The following CLTA variants were observed in gnomAD, a reference collection of about 807,000 sequenced individuals.
The protein encoded by CLTA is clathrin light chain A, also known as clathrin, light polypeptide (Lca).
Under a neutral mutation model 26.9 loss-of-function variants are expected in CLTA, and 9 were observed. That is an observed-to-expected ratio of 0.33 (90% confidence interval 0.20 to 0.58). The LOEUF (loss-of-function observed/expected upper bound fraction) is 0.58, where lower values mean the gene tolerates loss of function less well. Ranked by LOEUF, CLTA falls within the 20% of genes least tolerant of loss-of-function variation. The pLI is 0.85. For synonymous variants in CLTA, 120 were observed against 115.5 expected (o/e 1.04, Z -0.25); for missense variants, 278 against 294.2 (o/e 0.94, Z 0.40).
At chr9:36,190,896 C>G, upstream of CLTA, 1 of 1,295,432 alleles carries the variant, frequency 7.7e-7, no homozygotes, top group Non-Finnish European at 1.0e-6. Context: ...ACCGCCTAGA[C>G]CGACCGGATA....
intron 1 of CLTA, among the ~76,000 whole-genome samples, chr9:36,193,136 G>A (rs906568688): frequency 1.3e-5 from 2 of 152,212 alleles, no homozygotes; most frequent in Admixed American, 6.5e-5. Context: ...CAAAGGGAAG[G>A]AAAGAAATGG....
At chr9:36,199,245 C>T in intron 3 of CLTA, 149 bp downstream of exon 3, 2 of 674,664 alleles carry the variant, frequency 3.0e-6, no homozygotes, top group Admixed American at 2.0e-5. Context: ...ACAAGGCTAC[C>T]TGCACAGAGA....
intron 2 of CLTA, among the ~76,000 whole-genome samples, chr9:36,197,997 C>CTTTTT (rs11308341): frequency 2.5e-4 from 26 of 104,230 alleles, no homozygotes; most frequent in East Asian, 5.4e-4. Context: ...TTATTTGAGT[C>CTTTTT]TTTTTTTTTT....
At chr9:36,194,359 A>C (rs567941831) in intron 1 of CLTA, among the ~76,000 whole-genome samples, 2 of 152,198 alleles carry the variant, frequency 1.3e-5, no homozygotes, top group Admixed American at 1.3e-4. Context: ...AGAAAGAGAC[A>C]TGGGTGAATT....
intron 1 of CLTA, among the ~76,000 whole-genome samples, chr9:36,195,909 A>C (rs2132865579): frequency 6.6e-6 from 1 of 152,240 alleles, no homozygotes; most frequent in Admixed American, 6.5e-5. Context: ...CGGAGGTTGC[A>C]GCAAGCCGAG....
Position 36,202,188 on chromosome 9 carries a change from G to A in CLTA, c.374-1880G>A, listed in dbSNP as rs371366133. Among the ~76,000 whole-genome samples the A allele has an allele frequency of 2.8e-4, 43 of 152,222 alleles. No individual in the cohort carries two copies. The East Asian group carries it at 4.8e-3, about 17-fold the overall frequency. On this transcript the variant is annotated intron_variant, in intron 3 of 4. Coordinates refer to ENST00000345519, the MANE Select transcript of CLTA (RefSeq NM_001833.4). ...ATCTGAGAAAATGATTCTTCTGAACGACAGATCACCTTCCGACAAATTAGA... is the reference window on the plus strand; with the variant it reads ...ATCTGAGAAAATGATTCTTCTGAACAACAGATCACCTTCCGACAAATTAGA...
chr9:36,196,027 G>T (rs1317801727), intron 1 of CLTA, among the ~76,000 whole-genome samples: 1 of 152,016 alleles, frequency 6.6e-6, no homozygotes, highest in African/African-American at 2.4e-5. Flanking sequence ...TGTAATCCCA[G>T]CACTTTGGGA....
chr9:36,204,545 G>A (rs957835042), intron 4 of CLTA, among the ~76,000 whole-genome samples: 2 of 152,172 alleles, frequency 1.3e-5, no homozygotes, highest in East Asian at 1.9e-4. Flanking sequence ...GTCATGTTGA[G>A]TCTCCTCAAT....
intron 4 of CLTA, among the ~76,000 whole-genome samples, chr9:36,204,809 GC>G: frequency 6.6e-6 from 1 of 152,202 alleles, no homozygotes; most frequent in Non-Finnish European, 1.5e-5. Context: ...CTACTCACCA[GC>G]AGCTGGGCTT....
chr9:36,206,021 A>G (rs988335211), intron 4 of CLTA, among the ~76,000 whole-genome samples: 1 of 152,002 alleles, frequency 6.6e-6, no homozygotes, highest in African/African-American at 2.4e-5. Flanking sequence ...TGGCCTCCCA[A>G]AGTGCTGGGA....
chr9:36,204,187 C>G lies in CLTA; in HGVS notation c.485+8C>G, dbSNP rs1482571952. On this transcript the variant is annotated splice_region_variant and intron_variant, in intron 4 of 4. Transcript: ENST00000345519. ...AACAAAAGCAAACAACAGGTCAGTC[C>G]GTGGTGGTTGTAGCACACTTTGTTT... 8 of 1,610,480 alleles carry G rather than the reference C, an allele frequency of 5.0e-6. No individual in the cohort carries two copies. In the Admixed American group the frequency reaches 6.7e-5, roughly 14 times the overall value.
intron 1 of CLTA, among the ~76,000 whole-genome samples, chr9:36,192,595 G>T (rs1826797192): frequency 6.6e-6 from 1 of 152,178 alleles, no homozygotes; most frequent in African/African-American, 2.4e-5. Flanking sequence ...GGCCTTAAGT[G>T]ATTAGGGGAT....
intron 3 of CLTA, among the ~76,000 whole-genome samples, 165 bp downstream of exon 3, chr9:36,199,261 A>G (rs1827256505): frequency 6.6e-6 from 1 of 152,110 alleles, no homozygotes; most frequent in South Asian, 2.1e-4. Flanking sequence ...AGAGATGCCT[A>G]ATCACAGGCC....
In CLTA at chr9:36,210,598, G is replaced by A. The variant is rs201366938; in HGVS notation, c.486-1005G>A. The A allele has an allele frequency of 4.9e-5, 79 of 1,613,980 alleles. 1 individual carries two copies. The East Asian group carries it at 1.0e-3, about 21-fold the overall frequency. On this transcript the variant is annotated intron_variant, in intron 4 of 4. Coordinates refer to ENST00000345519, the MANE Select transcript of CLTA (RefSeq NM_001833.4). ...CTATATCTGACTTAAAGTTTCTCTC[G>A]TTTCTTTTCTTCTCTTCACCTTTAA... is the stretch of plus-strand genomic sequence containing the variant.
intron 4 of CLTA, among the ~76,000 whole-genome samples, chr9:36,211,193 G>A (rs893641403): frequency 2.6e-5 from 4 of 152,192 alleles, no homozygotes; most frequent in African/African-American, 7.2e-5. Flanking sequence ...ATGATCTGTG[G>A]GCTTTTTAGA....
intron 4 of CLTA, among the ~76,000 whole-genome samples, chr9:36,205,268 TCCACAGGACTCCACAGTCCCAGTC>T (rs569390261): frequency 2.6e-3 from 398 of 151,976 alleles, no homozygotes; most frequent in African/African-American, 9.0e-3. Flanking sequence ...CCATGTGGAG[TCCACAGGACTCCACAGTCCCAGTC>T]CCACAGGACT....
chr9:36,209,302 C>T, intron 4 of CLTA: 1 of 1,613,638 alleles, frequency 6.2e-7, no homozygotes, highest in Non-Finnish European at 8.5e-7. Context: ...CAACCCTTCG[C>T]TGACGTGATT....
intron 1 of CLTA, among the ~76,000 whole-genome samples, chr9:36,193,916 T>A (rs1466558328): frequency 6.6e-6 from 1 of 152,104 alleles, no homozygotes; most frequent in East Asian, 1.9e-4. Context: ...CAGGTGGTCA[T>A]GAAGGAGGCA....
At chr9:36,210,702 T>G in intron 4 of CLTA, 1 of 1,612,902 alleles carries the variant, frequency 6.2e-7, no homozygotes, top group Non-Finnish European at 8.5e-7. Flanking sequence ...GTGTGTGCCA[T>G]GAAGTCGCAG....
Sources: allele counts gnomAD v4.1 joint callset (sites outside exome capture counted in the v4.1 genomes callset), GRCh38; gene constraint gnomAD v4.1.1; transcripts MANE v1.5; gene names NCBI Gene and HGNC (gene_info 2026-07-23, HGNC 2026-07-21).